TMPRSS11A: variants seen among roughly 807,000 people sequenced by gnomAD.
The protein encoded by TMPRSS11A is transmembrane serine protease 11A.
A neutral mutation model predicts 58.9 loss-of-function variants in TMPRSS11A; 53 were observed. The observed-to-expected ratio is 0.90, with a 90% CI of 0.72 to 1.13. The LOEUF (loss-of-function observed/expected upper bound fraction) is 1.13, where lower values mean the gene tolerates loss of function less well. Ranked by LOEUF, TMPRSS11A falls within the 50% of genes most tolerant of loss-of-function variation. The pLI is 0.00. For missense variants in TMPRSS11A, 493 were observed against 499.3 expected, an observed-to-expected ratio of 0.99 and a Z score of 0.12; for synonymous variants, 167 against 169.8, an observed-to-expected ratio of 0.98 and a Z score of 0.13.
chr4:67,935,556 A>G (rs1018757313), intron 3 of TMPRSS11A, among the ~76,000 whole-genome samples: 2 of 152,168 alleles, frequency 1.3e-5, no homozygotes, highest in Non-Finnish European at 2.9e-5. Flanking sequence ...ATGCAAATAT[A>G]TAGTCTCTTT....
intron 5 of TMPRSS11A, among the ~76,000 whole-genome samples, chr4:67,926,385 A>C (rs1219593858): frequency 6.6e-6 from 1 of 152,230 alleles, no homozygotes; most frequent in African/African-American, 2.4e-5. Flanking sequence ...TTTTGCCTAT[A>C]AAAAATTGAC....
intron 6 of TMPRSS11A, 101 bp downstream of exon 6, chr4:67,924,027 A>G: frequency 1.0e-6 from 1 of 978,524 alleles, no homozygotes. Context: ...TTATCTCTCA[A>G]AGAAAATCTG....
chr4:67,944,081 A>T (rs1418694761), intron 3 of TMPRSS11A, among the ~76,000 whole-genome samples: 1 of 152,174 alleles, frequency 6.6e-6, no homozygotes, highest in Non-Finnish European at 1.5e-5. Flanking sequence ...CTTTATCAAT[A>T]TACTTACAAG....
intron 3 of TMPRSS11A, among the ~76,000 whole-genome samples, chr4:67,943,495 T>C (rs1354877005): frequency 1.3e-5 from 2 of 151,940 alleles, no homozygotes; most frequent in Non-Finnish European, 2.9e-5. Flanking sequence ...ACTGGAGGAG[T>C]AGAGAAGGTA....
intron 4 of TMPRSS11A, among the ~76,000 whole-genome samples, chr4:67,931,535 A>G (rs754679196): frequency 3.3e-5 from 5 of 152,200 alleles, no homozygotes; most frequent in Non-Finnish European, 7.4e-5. Context: ...CTTTTTGTTT[A>G]GGCATGCCTT....
chr4:67,922,011 C>A (rs1400963814), intron 7 of TMPRSS11A, among the ~76,000 whole-genome samples: 1 of 152,116 alleles, frequency 6.6e-6, no homozygotes, highest in Non-Finnish European at 1.5e-5. Flanking sequence ...GTCATTTAAT[C>A]ATATATTTAA....
Position 67,924,159 on chromosome 4 carries a change from G to T in TMPRSS11A, c.489C>A (p.Ser163Arg), listed in dbSNP as rs1720402802. 1 of 1,613,202 alleles carries T rather than the reference G, an allele frequency of 6.2e-7. No individual in the cohort carries two copies. Among genetic ancestry groups the T allele is most frequent in the Admixed American group, 1.7e-5 (1 of 60,010 alleles). Residue 163 changes from serine to arginine, a missense_variant, in exon 6 of 10, where the codon AGC becomes AGA. Transcript: ENST00000508048. ...GGACAGTTAACTCCCCTGTTGATGA[G>T]CTCATTGCTGAAAAAGAAGATAAAA... ...NASSVQVNAMSSSTGELTVQA... is the reference protein window; with the variant it reads ...NASSVQVNAMRSSTGELTVQA...
Position 67,963,431 on chromosome 4 carries a change from C to T in TMPRSS11A, c.-38G>A. 1 of 1,610,768 alleles carries T rather than the reference C, an allele frequency of 6.2e-7. No homozygotes were observed. The highest frequency in any genetic ancestry group is 8.5e-7 in the Non-Finnish European group (1 of 1,178,376). On this transcript the variant is annotated 5_prime_UTR_variant, in exon 1 of 10. Transcript: ENST00000508048. Reference sequence around the variant, plus strand: ...GAATATGATCTTGCAGGTCTGCACCCACTGAACTCAACTTTCTAATCAACT... The same window carrying T: ...GAATATGATCTTGCAGGTCTGCACCTACTGAACTCAACTTTCTAATCAACT...
rs78032536 is a variant in TMPRSS11A at position 67,913,604 on chromosome 4, A to C, written c.1095+984T>G. ...TGAATTCCCCGGTCCTGTCTGCTCC[A>C]AGACTCCTGCACCTTCCACCTGTTC... On this transcript the variant is annotated intron_variant, in intron 9 of 9. Coordinates refer to ENST00000508048, the MANE Select transcript of TMPRSS11A (RefSeq NM_001114387.2). 4.3e-3 allele frequency among the ~76,000 whole-genome samples: 652 copies of C among 152,226 alleles called. 2 individuals are homozygous for C. Among genetic ancestry groups the C allele is most frequent in the African/African-American group, 0.015 (629 of 41,536 alleles).
chr4:67,942,101 G>A (rs1488915582), intron 3 of TMPRSS11A, among the ~76,000 whole-genome samples: 1 of 152,166 alleles, frequency 6.6e-6, no homozygotes, highest in Non-Finnish European at 1.5e-5. Context: ...AGTCCAAAAA[G>A]TTAATAATTA....
intron 5 of TMPRSS11A, among the ~76,000 whole-genome samples, chr4:67,927,826 T>C (rs1007907405): frequency 6.6e-6 from 1 of 152,252 alleles, no homozygotes. Flanking sequence ...CCAAAGCATA[T>C]GCACAACATA....
Position 67,963,477 on chromosome 4 carries a change from T to A in TMPRSS11A, c.-84A>T. ...CAACTATATGACATCTCTAGATGTATTAGAAGTCTACGGCTCAAAGAAATA... is the reference window on the plus strand; with the variant it reads ...CAACTATATGACATCTCTAGATGTAATAGAAGTCTACGGCTCAAAGAAATA... On this transcript the variant is annotated 5_prime_UTR_variant, in exon 1 of 10. Transcript: ENST00000508048. 7.0e-7 allele frequency: 1 copy of A among 1,433,310 alleles called. No individual in the cohort carries two copies. The highest frequency in any genetic ancestry group is 9.7e-7 in the Non-Finnish European group (1 of 1,030,980). The allele number at this position is 1,433,310 out of a possible 1,614,324, so 88.8% of individuals were successfully genotyped here. A position where few individuals can be genotyped will look rare whatever the true frequency, so the allele number is the denominator to read the frequency against.
intron 1 of TMPRSS11A, among the ~76,000 whole-genome samples, chr4:67,947,635 G>T (rs1175939114): frequency 1.3e-5 from 2 of 152,080 alleles, no homozygotes; most frequent in Non-Finnish European, 2.9e-5. Context: ...ATTTTATATT[G>T]CATCACACCA....
chr4:67,961,836 A>T (rs546621800), intron 1 of TMPRSS11A, among the ~76,000 whole-genome samples: 1 of 151,986 alleles, frequency 6.6e-6, no homozygotes, highest in Admixed American at 6.5e-5. Context: ...AGCAGGTGTC[A>T]CTGATGTCTG....
chr4:67,947,324 C>G (rs1437680657), intron 1 of TMPRSS11A, among the ~76,000 whole-genome samples: 1 of 152,274 alleles, frequency 6.6e-6, no homozygotes, highest in Non-Finnish European at 1.5e-5. Flanking sequence ...AAGACATAAT[C>G]GAGGACCATG....
Position 67,929,716 on chromosome 4 carries a change from C to T in TMPRSS11A, c.481+164G>A, listed in dbSNP as rs79922041. 7.7e-3 allele frequency among the ~76,000 whole-genome samples: 1,164 copies of T among 152,110 alleles called. 16 individuals are homozygous for T. Among genetic ancestry groups the T allele is most frequent in the African/African-American group, 0.026 (1,093 of 41,534 alleles). On this transcript the variant is annotated intron_variant, in intron 5 of 9. Coordinates refer to ENST00000508048, the MANE Select transcript of TMPRSS11A (RefSeq NM_001114387.2). ...GGATGACTAACTTCAGACATGCTTA[C>T]GTTAGAGACTAATACACCTTGAAAT...
rs188805790 is a variant in TMPRSS11A at position 67,909,887 on chromosome 4, A to G, written c.*1455T>C. Reference sequence around the variant, plus strand: ...TTCTATGAGTCTAAATTATGAATCAAGTGTTTTATGAGTGAACTGCATATC... The same window carrying G: ...TTCTATGAGTCTAAATTATGAATCAGGTGTTTTATGAGTGAACTGCATATC... On this transcript the variant is annotated 3_prime_UTR_variant, in exon 10 of 10. Transcript: ENST00000508048. The G allele has an allele frequency of 6.6e-6, 1 of 152,230 alleles. No homozygotes were observed. The highest frequency in any genetic ancestry group is 1.9e-4 in the East Asian group (1 of 5,188). 9.4% of individuals were successfully genotyped at this position (152,230 alleles called of 1,614,324 possible).
At chr4:67,953,406 G>A (rs1288288056) in intron 1 of TMPRSS11A, among the ~76,000 whole-genome samples, 1 of 152,076 alleles carries the variant, frequency 6.6e-6, no homozygotes, top group Admixed American at 6.6e-5. Context: ...ACACCACCTA[G>A]CTCTTACAGA....
chr4:67,958,759 TGG>T (rs1380530444), intron 1 of TMPRSS11A, among the ~76,000 whole-genome samples: 5 of 152,132 alleles, frequency 3.3e-5, no homozygotes, highest in African/African-American at 1.2e-4. Context: ...CAAAATGATA[TGG>T]TTTGGCTGTG....
Sources: allele counts gnomAD v4.1 joint callset (sites outside exome capture counted in the v4.1 genomes callset), GRCh38; gene constraint gnomAD v4.1.1; transcripts MANE v1.5; gene names NCBI Gene and HGNC (gene_info 2026-07-23, HGNC 2026-07-21).